Variants in EXTL3 observed in about 807,000 individuals in gnomAD.
EXTL3 encodes exostosin-like 3.
In EXTL3, 27 loss-of-function variants were observed where a neutral mutation model predicts 69.3. The ratio of observed to expected loss-of-function variants is 0.39; its 90% CI spans 0.29 to 0.54. EXTL3 has a LOEUF of 0.54. Among genes scored for constraint, EXTL3 ranks in the 20% least tolerant of loss-of-function variants. The pLI is 0.69. For missense variants in EXTL3, 1,003 were observed against 1,231.8 expected (o/e 0.81, Z 2.78); for synonymous variants, 511 against 499.4 (o/e 1.02, Z -0.31).
At chr8:28,667,053 C>G (rs1202108070) in intron 1 of EXTL3, among the ~76,000 whole-genome samples, 3 of 152,182 alleles carry the variant, frequency 2.0e-5, no homozygotes, top group Non-Finnish European at 4.4e-5. Context: ...ACCCAGACAC[C>G]AGATCCTCTG....
intron 1 of EXTL3, among the ~76,000 whole-genome samples, chr8:28,685,692 G>A (rs1807565277): frequency 6.6e-6 from 1 of 151,820 alleles, no homozygotes; most frequent in Admixed American, 6.6e-5. Context: ...ATGGCATTTT[G>A]CAAGTTTTTT....
intron 1 of EXTL3, among the ~76,000 whole-genome samples, chr8:28,656,915 ACT>A (rs1013556734): frequency 2.5e-5 from 3 of 120,128 alleles, no homozygotes; most frequent in East Asian, 4.9e-4. Flanking sequence ...CTTTCTTCAC[ACT>A]CTCTCTCTCT....
At chr8:28,733,007 C>G (rs570485365) in intron 4 of EXTL3, among the ~76,000 whole-genome samples, 1 of 152,324 alleles carries the variant, frequency 6.6e-6, no homozygotes, top group South Asian at 2.1e-4. Flanking sequence ...GCTGGGATTA[C>G]AGGCATGAGC....
rs1351906971 is a variant in EXTL3 at position 28,753,201 on chromosome 8, G to A, written c.*2335G>A. On this transcript the variant is annotated 3_prime_UTR_variant, in exon 7 of 7. Coordinates refer to ENST00000220562, the MANE Select transcript of EXTL3 (RefSeq NM_001440.4). The stretch of plus-strand genomic sequence containing the variant: ...AGCGAGAGGCAGCAAGGTGGCCACA[G>A]TGTCACTGGTCAGGTGCTTCTCACC... 6.6e-6 allele frequency: 1 copy of A among 152,276 alleles called. No individual in the cohort carries two copies. The highest frequency in any genetic ancestry group is 1.5e-5 in the Non-Finnish European group (1 of 68,074). The allele number at this position is 152,276 out of a possible 1,614,324, so 9.4% of individuals were successfully genotyped here.
intron 5 of EXTL3, among the ~76,000 whole-genome samples, chr8:28,737,926 G>A (rs147496139): frequency 2.0e-5 from 3 of 150,004 alleles, no homozygotes; most frequent in East Asian, 4.0e-4. Flanking sequence ...TTGGCTCTCC[G>A]TTTGTAAAAC....
intron 2 of EXTL3, among the ~76,000 whole-genome samples, chr8:28,617,594 G>A (rs1806345700): frequency 6.6e-6 from 1 of 152,090 alleles, no homozygotes; most frequent in Admixed American, 6.6e-5. Flanking sequence ...CACCAGCCTG[G>A]GCAACATGGC....
At chr8:28,688,463 C>T (rs116846419) in intron 1 of EXTL3, among the ~76,000 whole-genome samples, 6 of 152,294 alleles carry the variant, frequency 3.9e-5, no homozygotes, top group Non-Finnish European at 7.3e-5. Flanking sequence ...AATTTACATG[C>T]ATTATCTGGG....
At chr8:28,747,637 CCTGT>C (rs1189047783) in intron 6 of EXTL3, among the ~76,000 whole-genome samples, 4 of 151,954 alleles carry the variant, frequency 2.6e-5, no homozygotes, top group Admixed American at 6.6e-5. Context: ...TCTCTGGTAT[CCTGT>C]CTATCGTGGT....
intron 3 of EXTL3, among the ~76,000 whole-genome samples, chr8:28,725,740 T>C (rs1408797357): frequency 6.6e-6 from 1 of 152,210 alleles, no homozygotes; most frequent in Non-Finnish European, 1.5e-5. Context: ...AGGCATCTAA[T>C]AGCAATATGC....
intron 1 of EXTL3, among the ~76,000 whole-genome samples, chr8:28,704,594 C>G (rs1800880388): frequency 1.3e-5 from 2 of 152,160 alleles, no homozygotes; most frequent in Non-Finnish European, 2.9e-5. Flanking sequence ...AGTCTCTTTT[C>G]CAACTTGCTT....
intron 4 of EXTL3, among the ~76,000 whole-genome samples, chr8:28,732,758 C>G (rs541065110): frequency 2.0e-5 from 3 of 152,306 alleles, no homozygotes; most frequent in South Asian, 4.1e-4. Context: ...GAGTCTCACT[C>G]TGTTGCGCAG....
At chr8:28,675,787 C>T (rs563653765) in intron 1 of EXTL3, among the ~76,000 whole-genome samples, 3 of 152,028 alleles carry the variant, frequency 2.0e-5, no homozygotes, top group Non-Finnish European at 2.9e-5. Flanking sequence ...TTTGGGAGGC[C>T]AAGGCGGTCA....
rs940828820 is a variant in EXTL3, at chr8:28,640,008, G to A, written c.-53+17198G>A. Reference sequence around the variant, plus strand: ...CCAGCTACTTGGGAGGCTGAAGCACGAGAATCACTTGAACCTGGGAGGCAG... The same window carrying A: ...CCAGCTACTTGGGAGGCTGAAGCACAAGAATCACTTGAACCTGGGAGGCAG... On this transcript the variant is annotated intron_variant, in intron 1 of 6. Coordinates refer to the EXTL3 transcript ENST00000523149. Among the ~76,000 whole-genome samples, 40 of 152,152 alleles carry A rather than the reference G, an allele frequency of 2.6e-4. 1 individual carries two copies. The highest frequency in any genetic ancestry group is 7.3e-5 in the Non-Finnish European group (5 of 68,040).
chr8:28,746,217 A>G (rs1801885290), intron 6 of EXTL3, among the ~76,000 whole-genome samples: 1 of 152,198 alleles, frequency 6.6e-6, no homozygotes, highest in Non-Finnish European at 1.5e-5. Flanking sequence ...TGTTCTTTCA[A>G]TAATGTTAAT....
At chr8:28,726,857 A>C (rs1801423045) in intron 3 of EXTL3, among the ~76,000 whole-genome samples, 1 of 150,476 alleles carries the variant, frequency 6.6e-6, no homozygotes, top group Non-Finnish European at 1.5e-5. Context: ...TGTTTCTGTG[A>C]ATCTTTAACA....
At chr8:28,733,849 G>T (rs373158100) in intron 4 of EXTL3, among the ~76,000 whole-genome samples, 1 of 142,794 alleles carries the variant, frequency 7.0e-6, no homozygotes, top group East Asian at 2.1e-4. Context: ...ACAGAGTCTC[G>T]CTCTGTTACC....
chr8:28,638,925 C>T (rs1806699152), intron 1 of EXTL3, among the ~76,000 whole-genome samples: 1 of 151,018 alleles, frequency 6.6e-6, no homozygotes, highest in Admixed American at 6.6e-5. Context: ...GCCACTGAGC[C>T]TGGCTAGGAA....
intron 1 of EXTL3, among the ~76,000 whole-genome samples, chr8:28,676,136 G>A (rs1423570789): frequency 6.6e-6 from 1 of 152,090 alleles, no homozygotes; most frequent in Non-Finnish European, 1.5e-5. Flanking sequence ...TGGTGGACAT[G>A]TCTTGGTTTA....
chr8:28,669,624 CAA>C (rs1380263687), intron 1 of EXTL3, among the ~76,000 whole-genome samples: 4 of 152,130 alleles, frequency 2.6e-5, no homozygotes, highest in Admixed American at 6.5e-5. Context: ...AAGCTCAAGA[CAA>C]AAGACAGAAA....
Sources: gnomAD v4.1 joint callset for allele counts (sites outside exome capture counted in the v4.1 genomes callset) on GRCh38, gnomAD v4.1.1 for gene constraint, MANE v1.5 for transcripts, NCBI Gene and HGNC (gene_info 2026-07-23, HGNC 2026-07-21) for gene names.